The following CACNA2D1 variants were observed in gnomAD, a reference collection of about 807,000 sequenced individuals.
CACNA2D1 encodes the protein voltage-dependent calcium channel subunit alpha-2/delta-1.
Under a neutral mutation model 171.5 loss-of-function variants are expected in CACNA2D1, and 53 were observed. The ratio of observed to expected loss-of-function variants is 0.31; its 90% CI spans 0.25 to 0.39. The LOEUF (loss-of-function observed/expected upper bound fraction) is 0.39. Among genes scored for constraint, CACNA2D1 ranks in the 10% least tolerant of loss-of-function variants. CACNA2D1 has a pLI of 1.00. For missense variants in CACNA2D1, 903 were observed against 1,299.8 expected, an observed-to-expected ratio of 0.69 and a Z score of 4.69; for synonymous variants, 442 against 443.1, an observed-to-expected ratio of 1.00 and a Z score of 0.03.
rs1477931724 is a variant in CACNA2D1, at chr7:82,056,063, G to A, written c.879+4365C>T. On this transcript the variant is annotated intron_variant, in intron 10 of 38. Coordinates refer to ENST00000356860, the MANE Select transcript of CACNA2D1 (RefSeq NM_000722.4). ...GTATCAACACGGCCCACCTTGAAAA[G>A]TACAGTCTCTACTCCAAGAAAACAA... Among the ~76,000 whole-genome samples the A allele has an allele frequency of 3.0e-5, 3 of 99,820 alleles. No individual in the cohort carries two copies. The East Asian group carries it at 1.1e-3, about 36-fold the overall frequency. 65.5% of individuals were successfully genotyped at this position (99,820 alleles called of 152,430 possible).
Position 82,404,760 on chromosome 7 carries a change from G to A in CACNA2D1, c.95+38605C>T, listed in dbSNP as rs1826834359. Among the ~76,000 whole-genome samples, 4 of 152,310 alleles carry A rather than the reference G, an allele frequency of 2.6e-5. No individual in the cohort carries two copies. In the South Asian group the frequency reaches 8.3e-4, roughly 32 times the overall value. Reference sequence around the variant, plus strand: ...AAAACTGTACCCTGTGTCTCATGCAGTGTCACTCTGTAGTCAACAAAAAAG... The same window carrying A: ...AAAACTGTACCCTGTGTCTCATGCAATGTCACTCTGTAGTCAACAAAAAAG... On this transcript the variant is annotated intron_variant, in intron 1 of 38. Coordinates refer to ENST00000356860, the MANE Select transcript of CACNA2D1 (RefSeq NM_000722.4).
chr7:82,292,771 G>A (rs1196836607), intron 3 of CACNA2D1, among the ~76,000 whole-genome samples: 1 of 151,684 alleles, frequency 6.6e-6, no homozygotes, highest in East Asian at 1.9e-4. Context: ...TTTCAATCTG[G>A]CTTCCAAGTC....
intron 3 of CACNA2D1, among the ~76,000 whole-genome samples, chr7:82,194,411 A>C (rs1302976611): frequency 1.3e-5 from 2 of 152,004 alleles, no homozygotes; most frequent in African/African-American, 4.8e-5. Flanking sequence ...CAAAACAAAA[A>C]AGTTTCTTCT....
At chr7:82,141,337 T>C (rs1792356624) in intron 4 of CACNA2D1, among the ~76,000 whole-genome samples, 2 of 151,732 alleles carry the variant, frequency 1.3e-5, no homozygotes, top group South Asian at 2.1e-4. Context: ...TTACTTAAAA[T>C]GAATTCTGTG....
intron 3 of CACNA2D1, among the ~76,000 whole-genome samples, chr7:82,245,152 C>T (rs1371151577): frequency 6.6e-6 from 1 of 152,200 alleles, no homozygotes; most frequent in Non-Finnish European, 1.5e-5. Flanking sequence ...TGGAGCAGCA[C>T]TGACACCAAA....
chr7:82,297,212 T>G (rs1484583678), intron 3 of CACNA2D1, among the ~76,000 whole-genome samples: 1 of 151,974 alleles, frequency 6.6e-6, no homozygotes. Flanking sequence ...GTCGTGCCAC[T>G]GCACTCCAGC....
chr7:82,347,356 T>C (rs930417716), intron 2 of CACNA2D1, among the ~76,000 whole-genome samples: 2 of 152,162 alleles, frequency 1.3e-5, no homozygotes, highest in African/African-American at 2.4e-5. Context: ...ACCAAAAATA[T>C]ATTACTTTAG....
intron 5 of CACNA2D1, among the ~76,000 whole-genome samples, chr7:82,133,835 G>A (rs1301934233): frequency 6.6e-6 from 1 of 152,182 alleles, no homozygotes; most frequent in East Asian, 1.9e-4. Flanking sequence ...CACTTTGGGA[G>A]GCCGAAGCGG....
intron 3 of CACNA2D1, among the ~76,000 whole-genome samples, chr7:82,256,423 T>C (rs762963301): frequency 6.6e-6 from 1 of 152,246 alleles, no homozygotes; most frequent in African/African-American, 2.4e-5. Flanking sequence ...AATTTATTCT[T>C]ACATTGTACA....
Position 81,982,637 on chromosome 7 carries a change from T to C in CACNA2D1, c.1895-10A>G, listed in dbSNP as rs750915367. 6.4e-7 allele frequency: 1 copy of C among 1,555,256 alleles called. No individual in the cohort carries two copies. Among genetic ancestry groups the C allele is most frequent in the East Asian group, 2.2e-5 (1 of 44,510 alleles). ...TTCAGGGTTTCCGAATCTGCAAAGATAATGTTACAGGATTAGATAGGTAAT... is the reference window on the plus strand; with the variant it reads ...TTCAGGGTTTCCGAATCTGCAAAGACAATGTTACAGGATTAGATAGGTAAT... On this transcript the variant is annotated splice_polypyrimidine_tract_variant and intron_variant, in intron 23 of 38. Transcript: ENST00000356860.
chr7:82,003,437 G>A (rs1158942650), intron 18 of CACNA2D1, among the ~76,000 whole-genome samples: 1 of 151,502 alleles, frequency 6.6e-6, no homozygotes, highest in African/African-American at 2.4e-5. Context: ...TTTCAAATAC[G>A]AGCCAAATAT....
At chr7:82,396,891 C>T (rs1237893794) in intron 1 of CACNA2D1, among the ~76,000 whole-genome samples, 1 of 152,152 alleles carries the variant, frequency 6.6e-6, no homozygotes. Flanking sequence ...ATTCATATTC[C>T]TTAACTGAAA....
intron 13 of CACNA2D1, among the ~76,000 whole-genome samples, chr7:82,014,141 T>C (rs1395845469): frequency 6.6e-6 from 1 of 152,172 alleles, no homozygotes; most frequent in East Asian, 1.9e-4. Flanking sequence ...ATATCTGATA[T>C]ATATCATTCA....
intron 3 of CACNA2D1, among the ~76,000 whole-genome samples, chr7:82,249,034 G>A (rs999106884): frequency 9.9e-5 from 15 of 151,430 alleles, no homozygotes; most frequent in African/African-American, 1.9e-4. Flanking sequence ...GGAGAATGGC[G>A]TAACCTGGAA....
intron 4 of CACNA2D1, among the ~76,000 whole-genome samples, chr7:82,137,115 A>G (rs1235259699): frequency 6.6e-6 from 1 of 152,210 alleles, no homozygotes; most frequent in African/African-American, 2.4e-5. Flanking sequence ...CATCTATACA[A>G]TATTGGCAGA....
At chr7:82,271,016 C>T (rs1481606791) in intron 3 of CACNA2D1, among the ~76,000 whole-genome samples, 1 of 152,080 alleles carries the variant, frequency 6.6e-6, no homozygotes, top group African/African-American at 2.4e-5. Flanking sequence ...TCCCATGAGA[C>T]TCTGGCTCTA....
At chr7:82,171,477 C>A (rs1377750116) in intron 3 of CACNA2D1, among the ~76,000 whole-genome samples, 2 of 151,982 alleles carry the variant, frequency 1.3e-5, no homozygotes, top group African/African-American at 2.4e-5. Flanking sequence ...TCAGCCCTTG[C>A]AAACTACTAG....
intron 6 of CACNA2D1, among the ~76,000 whole-genome samples, chr7:82,087,892 C>A (rs1239538197): frequency 6.6e-6 from 1 of 151,950 alleles, no homozygotes; most frequent in Non-Finnish European, 1.5e-5. Flanking sequence ...TGCACAATAC[C>A]GGCCATGCTA....
chr7:82,023,098 C>T (rs1219346602), intron 12 of CACNA2D1, among the ~76,000 whole-genome samples: 1 of 151,766 alleles, frequency 6.6e-6, no homozygotes, highest in East Asian at 1.9e-4. Flanking sequence ...TATCTTTCAA[C>T]TCTGTGTCTG....
Sources: allele counts gnomAD v4.1 joint callset (sites outside exome capture counted in the v4.1 genomes callset), GRCh38; gene constraint gnomAD v4.1.1; transcripts MANE v1.5; gene names NCBI Gene and HGNC (gene_info 2026-07-23, HGNC 2026-07-21).